The following MAPK9 variants were observed in gnomAD, a reference collection of about 807,000 sequenced individuals.
The protein encoded by MAPK9 is Jun kinase.
A neutral mutation model predicts 57.1 loss-of-function variants in MAPK9; 30 were observed. The observed-to-expected ratio is 0.53, with a 90% CI of 0.39 to 0.71. The LOEUF (loss-of-function observed/expected upper bound fraction) is 0.71, where lower values mean the gene tolerates loss of function less well. Among genes scored for constraint, MAPK9 ranks in the 30% least tolerant of loss-of-function variants. MAPK9 has a pLI of 0.00. For synonymous variants in MAPK9, 155 were observed against 177.0 expected (o/e 0.88, Z 0.99); for missense variants, 362 against 521.0 (o/e 0.69, Z 2.97).
At chr5:180,283,460 C>T (rs1767740955) in intron 1 of MAPK9, among the ~76,000 whole-genome samples, 1 of 152,238 alleles carries the variant, frequency 6.6e-6, no homozygotes, top group African/African-American at 2.4e-5. Flanking sequence ...ACCCCCCATT[C>T]AGGACCCCGT....
chr5:180,287,774 C>G (rs897968357), intron 1 of MAPK9, among the ~76,000 whole-genome samples: 1 of 152,318 alleles, frequency 6.6e-6, no homozygotes, highest in East Asian at 1.9e-4. Flanking sequence ...GCTGGGCATG[C>G]CCCCATTTTT....
Position 180,249,147 on chromosome 5 carries a change from G to T in MAPK9, c.451-9C>A. On this transcript the variant is annotated splice_polypyrimidine_tract_variant and intron_variant, in intron 5 of 11. Coordinates refer to ENST00000452135, the MANE Select transcript of MAPK9 (RefSeq NM_002752.5). ...TTGCTAGGCTTCAAATCCTAGGAAA[G>T]AAATGGCTTAAATTAGTAAAATGAA... 1 of 1,601,106 alleles carries T rather than the reference G, an allele frequency of 6.2e-7. No individual in the cohort carries two copies. The highest frequency in any genetic ancestry group is 8.5e-7 in the Non-Finnish European group (1 of 1,173,690).
rs149286669 is a variant in MAPK9 at position 180,268,185 on chromosome 5, G to A, written c.252+1095C>T. On this transcript the variant is annotated intron_variant, in intron 3 of 11. Coordinates refer to ENST00000452135, the MANE Select transcript of MAPK9 (RefSeq NM_002752.5). ...ACATAATGCTCAGCGACCACTAGGA[G>A]AACAAACAATGTGCTTGATTGAACC... is the stretch of plus-strand genomic sequence containing the variant. Among the ~76,000 whole-genome samples, 110 of 152,298 alleles carry A rather than the reference G, an allele frequency of 7.2e-4. 1 individual carries two copies. The highest frequency in any genetic ancestry group is 2.5e-3 in the African/African-American group (103 of 41,566).
intron 5 of MAPK9, among the ~76,000 whole-genome samples, chr5:180,259,378 G>A (rs33928286): frequency 0.37 from 56,131 of 150,698 alleles, 10,528 homozygotes; most frequent in Non-Finnish European, 0.4. Flanking sequence ...CCCTTTGACC[G>A]TAAGGGATGT....
In MAPK9 at chr5:180,247,839, C is replaced by A. The variant is rs754232534; in HGVS notation, c.617-329G>T. On this transcript the variant is annotated intron_variant, in intron 6 of 11. Transcript: ENST00000452135. The surrounding 1 kb of genome is among the most constrained non-coding windows in gnomAD (Gnocchi z 4.5). ...CAGCCTCCATGGCCAAGTACCGGGT[C>A]CCCTGTGAAGGATACAGTCTCTTCC... 2 of 1,613,748 alleles carry A rather than the reference C, an allele frequency of 1.2e-6. No individual in the cohort carries two copies. Among genetic ancestry groups the A allele is most frequent in the South Asian group, 2.2e-5 (2 of 91,054 alleles).
At chr5:180,272,781 C>T (rs1242156945) in intron 2 of MAPK9, among the ~76,000 whole-genome samples, 2 of 152,226 alleles carry the variant, frequency 1.3e-5, no homozygotes, top group Non-Finnish European at 1.5e-5. Flanking sequence ...CAATCTATTA[C>T]AGAACACACA....
chr5:180,266,909 G>T (rs1176494240), intron 3 of MAPK9, among the ~76,000 whole-genome samples: 1 of 152,190 alleles, frequency 6.6e-6, no homozygotes, highest in East Asian at 1.9e-4. Context: ...AATGTTCATT[G>T]CAGCACTGCT....
chr5:180,275,150 T>C (rs1050719290), intron 2 of MAPK9, among the ~76,000 whole-genome samples: 12 of 152,198 alleles, frequency 7.9e-5, no homozygotes, highest in Non-Finnish European at 1.6e-4. Context: ...TCTGCAGGAT[T>C]TTATTCATGT....
Position 180,247,620 on chromosome 5 carries a change from C to T in MAPK9, c.617-110G>A. On this transcript the variant is annotated intron_variant, in intron 6 of 11. Transcript: ENST00000452135. This position sits in a 1 kb window ranked among gnomAD's most constrained non-coding sequence, Gnocchi z 4.5. ...CACACAAATATGGAAAAATAAATTG[C>T]TAGCTAAGGGTGACATTTTACACAA... 3 of 1,069,954 alleles carry T rather than the reference C, an allele frequency of 2.8e-6. No individual in the cohort carries two copies. Among genetic ancestry groups the T allele is most frequent in the Non-Finnish European group, 4.2e-6 (3 of 711,284 alleles). 66.3% of individuals were successfully genotyped at this position (1,069,954 alleles called of 1,614,324 possible).
At chr5:180,253,205 C>A (rs1758894164) in intron 5 of MAPK9, among the ~76,000 whole-genome samples, 1 of 152,188 alleles carries the variant, frequency 6.6e-6, no homozygotes, top group Admixed American at 6.5e-5. Context: ...CAGTCTGGAC[C>A]AGGCCTCTGA....
In MAPK9 at chr5:180,245,591, G is replaced by A. The variant is rs561409391; in HGVS notation, c.688+1848C>T. Among the ~76,000 whole-genome samples the A allele has an allele frequency of 9.6e-4, 146 of 152,288 alleles. 1 individual carries two copies. The highest frequency in any genetic ancestry group is 3.3e-3 in the African/African-American group (136 of 41,560). ...GGGACAGATGAGAGGGACGGGGGAA[G>A]GGGAACAATAATTCCGACAAGCCCA... On this transcript the variant is annotated intron_variant, in intron 7 of 11. Coordinates refer to ENST00000452135, the MANE Select transcript of MAPK9 (RefSeq NM_002752.5).
rs142800258 is a variant in MAPK9 at position 180,268,502 on chromosome 5, T to C, written c.252+778A>G. Among the ~76,000 whole-genome samples the C allele has an allele frequency of 2.8e-3, 429 of 152,380 alleles. 6 individuals are homozygous for C. The highest frequency in any genetic ancestry group is 5.0e-3 in the Non-Finnish European group (343 of 68,040). On this transcript the variant is annotated intron_variant, in intron 3 of 11. Coordinates refer to ENST00000452135, the MANE Select transcript of MAPK9 (RefSeq NM_002752.5). ...AATTCCTATGCACCATAATGATGCC[T>C]CTTTCTAGCTTTGATTTCCTCAATG...
In MAPK9 at chr5:180,261,852, G is replaced by C. The variant is rs184099658; in HGVS notation, c.312-30C>G. 334 of 1,574,764 alleles carry C rather than the reference G, an allele frequency of 2.1e-4. 2 individuals are homozygous for C. Among genetic ancestry groups the C allele is most frequent in the Non-Finnish European group, 2.5e-4 (290 of 1,159,234 alleles). ...GGGAGAAAAGGTCAGTTATTTATTT[G>C]AAAATTATCCAAAGTTCCTTTATGA... is the stretch of plus-strand genomic sequence containing the variant. On this transcript the variant is annotated intron_variant, in intron 4 of 11. Transcript: ENST00000452135.
At chr5:180,244,266 C>T (rs1461616122) in intron 7 of MAPK9, among the ~76,000 whole-genome samples, 6 of 152,172 alleles carry the variant, frequency 3.9e-5, no homozygotes, top group Admixed American at 1.3e-4. Context: ...CCCGGCTACA[C>T]TAAGCCTGCT....
At chr5:180,237,096 C>G (rs1446792019) in intron 11 of MAPK9, 1 of 152,140 alleles carries the variant, frequency 6.6e-6, no homozygotes, top group Non-Finnish European at 1.5e-5. Context: ...TCTTTTAAAG[C>G]AAATGAAACT....
Position 180,276,221 on chromosome 5 carries a change from G to A in MAPK9, c.122+4219C>T, listed in dbSNP as rs146082078. On this transcript the variant is annotated intron_variant, in intron 2 of 11. Transcript: ENST00000452135. ...ATTAATAGAAAATAAACCATGTTAA[G>A]AACAGGCCAGTACTCATGTTTATAC... 4.7e-3 allele frequency among the ~76,000 whole-genome samples: 714 copies of A among 152,262 alleles called. 6 individuals are homozygous for A. Among genetic ancestry groups the A allele is most frequent in the African/African-American group, 0.016 (678 of 41,566 alleles).
intron 5 of MAPK9, among the ~76,000 whole-genome samples, chr5:180,253,865 G>C (rs1758967813): frequency 6.7e-6 from 1 of 148,732 alleles, no homozygotes; most frequent in Non-Finnish European, 1.5e-5. Context: ...ACCTACAGAA[G>C]GTGACACCTG....
chr5:180,237,966 G>A (rs571626396), intron 11 of MAPK9: 103 of 165,384 alleles, frequency 6.2e-4, no homozygotes, highest in Admixed American at 1.4e-3. Flanking sequence ...CTGAAACCCC[G>A]TCTCTACTAA....
chr5:180,263,956 C>T (rs1457345015), intron 4 of MAPK9, among the ~76,000 whole-genome samples: 3 of 152,260 alleles, frequency 2.0e-5, no homozygotes, highest in South Asian at 2.1e-4. Flanking sequence ...CCGCCCGCCT[C>T]GGCCTCCCAA....
Sources: gnomAD v4.1 joint callset for allele counts (sites outside exome capture counted in the v4.1 genomes callset) on GRCh38, gnomAD v4.1.1 for gene constraint, Gnocchi (gnomAD v3.1) non-coding constraint, MANE v1.5 for transcripts, NCBI Gene and HGNC (gene_info 2026-07-23, HGNC 2026-07-21) for gene names.